The following ADAM18 variants were observed in gnomAD, a reference collection of about 807,000 sequenced individuals.
ADAM18 encodes the protein ADAM metallopeptidase domain 18, also known as disintegrin and metalloproteinase domain-containing protein 18.
A neutral mutation model predicts 94.4 loss-of-function variants in ADAM18; 117 were observed. The observed-to-expected ratio is 1.24, with a 90% CI of 1.07 to 1.45. The LOEUF (loss-of-function observed/expected upper bound fraction) is 1.45. Among genes scored for constraint, ADAM18 ranks in the 40% most tolerant of loss-of-function variants. The pLI is 0.00. For missense variants in ADAM18, 936 were observed against 880.0 expected, an observed-to-expected ratio of 1.06 and a Z score of -0.81; for synonymous variants, 327 against 291.6, an observed-to-expected ratio of 1.12 and a Z score of -1.24.
chr8:39,720,839 T>A (rs1344785702), intron 18 of ADAM18, among the ~76,000 whole-genome samples: 1 of 151,410 alleles, frequency 6.6e-6, no homozygotes, highest in Non-Finnish European at 1.5e-5. Context: ...ATGTTCAATG[T>A]GGGAATATGC....
rs576912903 is a variant in ADAM18 at position 39,598,093 on chromosome 8, G to A, written c.133-8214G>A. Among the ~76,000 whole-genome samples, 38 of 152,234 alleles carry A rather than the reference G, an allele frequency of 2.5e-4. No homozygotes were observed. The South Asian group carries it at 2.7e-3, about 11-fold the overall frequency. On this transcript the variant is annotated intron_variant, in intron 2 of 19. Transcript: ENST00000265707. ...TCCTTCATTGCTAGTATGTAGGAAA[G>A]CAATTGACTTTTGTATGTTTACCTT...
intron 19 of ADAM18, among the ~76,000 whole-genome samples, chr8:39,728,521 A>G (rs1429591083): frequency 1.3e-5 from 2 of 152,178 alleles, no homozygotes; most frequent in Non-Finnish European, 2.9e-5. Context: ...ATTATTATCA[A>G]TTATCATGTG....
chr8:39,720,539 G>A (rs1310699357), intron 18 of ADAM18, among the ~76,000 whole-genome samples: 16 of 150,692 alleles, frequency 1.1e-4, no homozygotes, highest in African/African-American at 3.9e-4. Flanking sequence ...GCCAACTCTC[G>A]GGCACTAGTT....
At chr8:39,672,908 C>T (rs1472397704) in intron 14 of ADAM18, among the ~76,000 whole-genome samples, 1 of 152,140 alleles carries the variant, frequency 6.6e-6, no homozygotes, top group Admixed American at 6.6e-5. Context: ...AGAGTCCTGG[C>T]CAAGTTTCAG....
At chr8:39,712,401 C>G (rs1822437627) in intron 18 of ADAM18, among the ~76,000 whole-genome samples, 1 of 152,166 alleles carries the variant, frequency 6.6e-6, no homozygotes, top group African/African-American at 2.4e-5. Context: ...GATGCCCTCT[C>G]TCACCACTCC....
chr8:39,602,705 C>G (rs1236992186), intron 2 of ADAM18, among the ~76,000 whole-genome samples: 1 of 151,910 alleles, frequency 6.6e-6, no homozygotes, highest in Non-Finnish European at 1.5e-5. Context: ...CTAGTTAAGT[C>G]TTTTATGAGA....
Position 39,718,761 on chromosome 8 carries a change from A to AATTT in ADAM18, c.2018-4986_2018-4985insTTTA, listed in dbSNP as rs1554516220. ...TTCACAAAAAATAGCATCAGAAAAT[A>AATTT]AAATACTTGCAAATAAATTTAGCCA... On this transcript the variant is annotated intron_variant, in intron 18 of 19. Transcript: ENST00000265707. 4.3e-4 allele frequency among the ~76,000 whole-genome samples: 64 copies of AATTT among 150,502 alleles called. No individual in the cohort carries two copies. The East Asian group carries it at 0.011, about 25-fold the overall frequency.
intron 10 of ADAM18, among the ~76,000 whole-genome samples, chr8:39,640,815 A>AT (rs142735088): frequency 0.55 from 81,254 of 147,672 alleles, 23,185 homozygotes; most frequent in Non-Finnish European, 0.64. Flanking sequence ...TTGGCCACAT[A>AT]TTTTTTTTTT....
chr8:39,643,800 A>C (rs1820303452), intron 10 of ADAM18, among the ~76,000 whole-genome samples: 1 of 150,450 alleles, frequency 6.6e-6, no homozygotes, highest in Admixed American at 6.7e-5. Context: ...TCTTTTTATA[A>C]GAGTGCCATT....
intron 17 of ADAM18, among the ~76,000 whole-genome samples, chr8:39,703,968 T>A (rs1563313664): frequency 6.6e-6 from 1 of 151,900 alleles, no homozygotes; most frequent in Non-Finnish European, 1.5e-5. Flanking sequence ...TTAGAAGAAA[T>A]GGATAAATTC....
rs1563292600 is a variant in ADAM18 at position 39,654,153 on chromosome 8, C to CTTTTTTTTTTTT, written c.1230+5626_1230+5627insTTTTTTTTTTTT. 2.5e-5 allele frequency among the ~76,000 whole-genome samples: 3 copies of CTTTTTTTTTTTT among 118,770 alleles called. 1 individual carries two copies. Among genetic ancestry groups the CTTTTTTTTTTTT allele is most frequent in the African/African-American group, 3.4e-5 (1 of 29,252 alleles). The allele number at this position is 118,770 out of a possible 152,430, so 77.9% of individuals were successfully genotyped here. A position where few individuals can be genotyped will look rare whatever the true frequency, so the allele number is the denominator to read the frequency against. On this transcript the variant is annotated intron_variant, in intron 12 of 19. Transcript: ENST00000265707. The stretch of plus-strand genomic sequence containing the variant: ...TTGCTGCCACTGACAGGATTTCATT[C>CTTTTTTTTTTTT]CTTTTTTTTTTTTTTTTTTTTGGAG...
chr8:39,608,931 C>A, intron 3 of ADAM18, 111 bp from the exon 4 acceptor site: 1 of 663,460 alleles, frequency 1.5e-6, no homozygotes, highest in South Asian at 1.9e-5. Flanking sequence ...TTAAATCATG[C>A]CATTATATAA....
intron 7 of ADAM18, among the ~76,000 whole-genome samples, chr8:39,633,775 A>T (rs1479271962): frequency 1.3e-5 from 2 of 151,624 alleles, no homozygotes; most frequent in Non-Finnish European, 2.9e-5. Context: ...TATGGATTTT[A>T]TAATTAAAAT....
chr8:39,607,237 G>A (rs971726106), intron 3 of ADAM18, among the ~76,000 whole-genome samples: 1 of 152,108 alleles, frequency 6.6e-6, no homozygotes, highest in African/African-American at 2.4e-5. Flanking sequence ...CCACGTAAGA[G>A]CCCTCATGTT....
At chr8:39,609,162 T>A in intron 4 of ADAM18, 42 bp downstream of exon 4, 6 of 1,214,836 alleles carry the variant, frequency 4.9e-6, no homozygotes, top group South Asian at 1.3e-5. Flanking sequence ...AGTGGTTATA[T>A]TATTACCATT....
At chr8:39,674,320 A>C (rs953240418) in intron 14 of ADAM18, among the ~76,000 whole-genome samples, 6 of 152,114 alleles carry the variant, frequency 3.9e-5, no homozygotes, top group African/African-American at 1.4e-4. Context: ...TATTGGGTGC[A>C]TGTATATATT....
chr8:39,683,324 C>A (rs1199655258), intron 16 of ADAM18, among the ~76,000 whole-genome samples: 1 of 152,156 alleles, frequency 6.6e-6, no homozygotes, highest in Non-Finnish European at 1.5e-5. Context: ...CATTTTAATA[C>A]CAGCCTATGC....
intron 6 of ADAM18, among the ~76,000 whole-genome samples, chr8:39,621,309 T>TCA (rs55818122): frequency 0.2 from 25,701 of 128,510 alleles, 2,598 homozygotes; most frequent in East Asian, 0.23. Context: ...CATGACAAAA[T>TCA]CACACACACA....
intron 6 of ADAM18, among the ~76,000 whole-genome samples, chr8:39,618,717 G>A (rs1207665807): frequency 1.3e-5 from 2 of 152,144 alleles, no homozygotes; most frequent in African/African-American, 2.4e-5. Flanking sequence ...TTATCCATAT[G>A]GACAGGTGCC....
Sources: allele counts gnomAD v4.1 joint callset (sites outside exome capture counted in the v4.1 genomes callset), GRCh38; gene constraint gnomAD v4.1.1; transcripts MANE v1.5; gene names NCBI Gene and HGNC (gene_info 2026-07-23, HGNC 2026-07-21).